FRMD4B: variants seen among roughly 807,000 people sequenced by gnomAD.
FRMD4B encodes FERM domain containing 4B.
In FRMD4B, 74 loss-of-function variants were observed where a neutral mutation model predicts 141.5. The ratio of observed to expected loss-of-function variants is 0.52; its 90% CI spans 0.43 to 0.63. FRMD4B has a LOEUF of 0.63. FRMD4B is among the 30% of genes least tolerant of loss of function. The probability of loss-of-function intolerance (pLI) is 0.00; values close to 1 mark genes in which losing one functional copy is unlikely to be tolerated. For synonymous variants in FRMD4B, 506 were observed against 467.9 expected (o/e 1.08, Z -1.05); for missense variants, 1,366 against 1,253.4 (o/e 1.09, Z -1.36).
intron 19 of FRMD4B, among the ~76,000 whole-genome samples, chr3:69,184,871 A>G (rs2092748233): frequency 6.6e-6 from 1 of 152,164 alleles, no homozygotes. Flanking sequence ...TTTAAATTTT[A>G]TTTACTTTTA....
At chr3:69,481,435 C>A (rs957507143) in intron 1 of FRMD4B, among the ~76,000 whole-genome samples, 1 of 152,050 alleles carries the variant, frequency 6.6e-6, no homozygotes, top group Non-Finnish European at 1.5e-5. Context: ...TCATTTGTTA[C>A]CTATCAGGAC....
rs1182639656 is a variant in FRMD4B at position 69,302,343 on chromosome 3, C to T, written c.416G>A (p.Arg139Lys). The change falls in exon 4 of 23, where the codon AGG becomes AAG. Residue 139 changes from arginine (R) to lysine (K), a missense_variant and splice_region_variant. Coordinates refer to ENST00000398540, the MANE Select transcript of FRMD4B (RefSeq NM_015123.3). ...GCTAACTGGGTCTGTGGATACATAC[C>T]TCACAGCAAAGTGCAAAATGGTTGG... ...PGPTILHFAV[R>K]FYIESISFLK... is the part of the protein sequence containing the mutation. The T allele has an allele frequency of 6.4e-7, 1 of 1,567,042 alleles. No individual in the cohort carries two copies. The highest frequency in any genetic ancestry group is 1.1e-5 in the South Asian group (1 of 88,668).
At chr3:69,266,574 C>T (rs1450590817) in intron 5 of FRMD4B, among the ~76,000 whole-genome samples, 1 of 152,136 alleles carries the variant, frequency 6.6e-6, no homozygotes, top group African/African-American at 2.4e-5. Flanking sequence ...GACCCACCCA[C>T]CTCGGCCTCC....
intron 1 of FRMD4B, among the ~76,000 whole-genome samples, chr3:69,492,881 C>T (rs1412526401): frequency 6.6e-6 from 1 of 152,110 alleles, no homozygotes; most frequent in African/African-American, 2.4e-5. Context: ...ACATTTTAGT[C>T]CTCTTGTTGG....
intron 21 of FRMD4B, 21 bp downstream of exon 21, chr3:69,180,878 G>C (rs545542453): frequency 2.7e-6 from 4 of 1,492,406 alleles, no homozygotes; most frequent in Non-Finnish European, 3.7e-6. Flanking sequence ...CAGGTGTTGC[G>C]TGTTTTTACA....
At chr3:69,451,182 C>T (rs1028722287) in intron 1 of FRMD4B, among the ~76,000 whole-genome samples, 3 of 151,848 alleles carry the variant, frequency 2.0e-5, no homozygotes, top group Non-Finnish European at 4.4e-5. Context: ...TTTATCATAG[C>T]CAGGGTGGTG....
chr3:69,441,021 C>T (rs925861274), intron 1 of FRMD4B, among the ~76,000 whole-genome samples: 2 of 152,120 alleles, frequency 1.3e-5, no homozygotes, highest in Admixed American at 6.5e-5. Context: ...TTTCTTAAAA[C>T]GTACTCTGAG....
At chr3:69,360,406 A>C (rs1446335749) in intron 1 of FRMD4B, among the ~76,000 whole-genome samples, 1 of 152,198 alleles carries the variant, frequency 6.6e-6, no homozygotes, top group African/African-American at 2.4e-5. Context: ...GTTAACAGTA[A>C]TTCCTTAATA....
chr3:69,518,016 C>G (rs552671951), intron 1 of FRMD4B, among the ~76,000 whole-genome samples: 1 of 152,232 alleles, frequency 6.6e-6, no homozygotes, highest in South Asian at 2.1e-4. Context: ...GCTGCTGCTG[C>G]TGGTTTAGAC....
intron 2 of FRMD4B, chr3:69,432,568 T>G (rs986915892): frequency 4.1e-5 from 6 of 146,382 alleles, no homozygotes; most frequent in African/African-American, 1.5e-4. Flanking sequence ...CAAACACACA[T>G]AAACTCACTT....
rs1310841222 is a variant in FRMD4B, at chr3:69,169,557, A to G, written c.*2304T>C. 7.2e-5 allele frequency among the ~76,000 whole-genome samples: 11 copies of G among 151,944 alleles called. No homozygotes were observed. The highest frequency in any genetic ancestry group is 1.3e-4 in the Non-Finnish European group (9 of 67,984). On this transcript the variant is annotated 3_prime_UTR_variant, in exon 23 of 23. Coordinates refer to ENST00000398540, the MANE Select transcript of FRMD4B (RefSeq NM_015123.3). ...ATTTTCATAGAGATGGGGTTTCACC[A>G]TGTTGTCCAGGCTGGTCTTGAACTC...
chr3:69,186,529 T>C (rs2092769685), intron 19 of FRMD4B, among the ~76,000 whole-genome samples: 1 of 152,068 alleles, frequency 6.6e-6, no homozygotes, highest in East Asian at 1.9e-4. Context: ...CTGGCCAACA[T>C]GGTGAGACCC....
rs540606331 is a variant in FRMD4B, at chr3:69,285,007, C to CA, written c.501+2744dup. ...TGAAACACCATCTCTACTAAAAATACAAAAAATTAGCCAGGTGTGTTGGCA... is the reference window on the plus strand; with the variant it reads ...TGAAACACCATCTCTACTAAAAATACAAAAAAATTAGCCAGGTGTGTTGGCA... On this transcript the variant is annotated intron_variant, in intron 5 of 22. Transcript: ENST00000398540. Among the ~76,000 whole-genome samples the CA allele has an allele frequency of 2.6e-3, 396 of 151,874 alleles. 2 individuals carry two copies. The highest frequency in any genetic ancestry group is 9.0e-3 in the African/African-American group (373 of 41,434).
chr3:69,373,166 G>A (rs9985392), intron 1 of FRMD4B, among the ~76,000 whole-genome samples: 115,986 of 151,918 alleles, frequency 0.76, 44,560 homozygotes, highest in Middle Eastern at 0.84. Flanking sequence ...TTCTTTTGAA[G>A]TGGAAAGGCT....
intron 3 of FRMD4B, chr3:69,310,363 T>C (rs1249279144): frequency 4.7e-6 from 2 of 422,880 alleles, no homozygotes; most frequent in Non-Finnish European, 9.6e-6. Flanking sequence ...GGCAGCATTA[T>C]GAAAAGAATG....
At chr3:69,436,776 G>A (rs746422094) in intron 1 of FRMD4B, among the ~76,000 whole-genome samples, 1 of 152,142 alleles carries the variant, frequency 6.6e-6, no homozygotes, top group African/African-American at 2.4e-5. Flanking sequence ...AAAATGGAAC[G>A]AGATTCTGAT....
intron 2 of FRMD4B, among the ~76,000 whole-genome samples, chr3:69,411,878 T>A (rs1429810634): frequency 6.6e-6 from 1 of 152,194 alleles, no homozygotes; most frequent in Non-Finnish European, 1.5e-5. Context: ...CCTGACTGAG[T>A]GATTTTTAAG....
At chr3:69,482,547 T>G (rs1329378055) in intron 1 of FRMD4B, among the ~76,000 whole-genome samples, 1 of 152,244 alleles carries the variant, frequency 6.6e-6, no homozygotes, top group Admixed American at 6.5e-5. Flanking sequence ...GACAGCAGTC[T>G]GACCTGCGCA....
chr3:69,198,647 C>A (rs1291920908), intron 12 of FRMD4B, 51 bp downstream of exon 12: 1 of 838,656 alleles, frequency 1.2e-6, no homozygotes, highest in African/African-American at 1.7e-5. Context: ...TTGATAGCAG[C>A]GTTATTTGTA....
Sources: gnomAD v4.1 joint callset for allele counts (sites outside exome capture counted in the v4.1 genomes callset) on GRCh38, gnomAD v4.1.1 for gene constraint, MANE v1.5 for transcripts, NCBI Gene and HGNC (gene_info 2026-07-23, HGNC 2026-07-21) for gene names.